The following WDR20 variants were observed in gnomAD, a reference collection of about 807,000 sequenced individuals.
WDR20 encodes the protein WD repeat domain 20, also known as WD repeat-containing protein 20.
WDR20 carries 3 observed loss-of-function variants against 38.7 expected under a neutral mutation model. That is an observed-to-expected ratio of 0.08 (90% confidence interval 0.04 to 0.20). The LOEUF is 0.20. Among genes scored for constraint, WDR20 ranks in the 10% least tolerant of loss-of-function variants. WDR20 has a pLI of 1.00. For missense variants in WDR20, 559 were observed against 727.7 expected (o/e 0.77, Z 2.67); for synonymous variants, 298 against 285.6 (o/e 1.04, Z -0.44).
downstream of WDR20, among the ~76,000 whole-genome samples, chr14:102,218,601 A>G (rs1418037342): frequency 6.6e-6 from 1 of 152,224 alleles, no homozygotes; most frequent in Non-Finnish European, 1.5e-5. Flanking sequence ...CTCTTAACTT[A>G]GTATTATAAA....
intron 1 of WDR20, among the ~76,000 whole-genome samples, chr14:102,188,285 C>T (rs1205175701): frequency 6.6e-6 from 1 of 152,170 alleles, no homozygotes; most frequent in African/African-American, 2.4e-5. Context: ...TTCCCAAAGC[C>T]CCCTACTGAG....
chr14:102,185,268 G>A (rs12433600), intron 1 of WDR20, among the ~76,000 whole-genome samples: 5 of 152,132 alleles, frequency 3.3e-5, no homozygotes, highest in Admixed American at 3.3e-4. Context: ...AAGTGCCAGG[G>A]ATTCTGCTGG....
In WDR20 at chr14:102,144,578, AT is replaced by A. The variant is rs574133621; in HGVS notation, c.249+4407del. 3.3e-5 allele frequency among the ~76,000 whole-genome samples: 5 copies of A among 152,210 alleles called. No homozygotes were observed. The South Asian group carries it at 1.0e-3, about 32-fold the overall frequency. On this transcript the variant is annotated intron_variant, in intron 1 of 2. Coordinates refer to ENST00000342702, the MANE Select transcript of WDR20 (RefSeq NM_144574.4). ...GGACCAATCCTCTCATTTTATGGAC[AT>A]CTGTTTTTACATAAATATGAATGGC...
chr14:102,213,597 C>T (rs1293069630), downstream of WDR20: 12 of 985,280 alleles, frequency 1.2e-5, no homozygotes, highest in Admixed American at 1.8e-4. Context: ...GGACACCGTC[C>T]GGGCGGGGCC....
intron 1 of WDR20, among the ~76,000 whole-genome samples, chr14:102,154,597 C>T (rs1442389116): frequency 6.6e-6 from 1 of 152,220 alleles, no homozygotes; most frequent in Non-Finnish European, 1.5e-5. Context: ...TTGTCTGTCT[C>T]TTTCACCTTC....
chr14:102,160,010 G>A (rs1360878982), intron 1 of WDR20, among the ~76,000 whole-genome samples: 2 of 152,052 alleles, frequency 1.3e-5, no homozygotes, highest in South Asian at 2.1e-4. Flanking sequence ...AGGCTGAGGC[G>A]ATAGGATGGC....
chr14:102,185,836 A>G (rs1324534677), intron 1 of WDR20, among the ~76,000 whole-genome samples: 4 of 150,518 alleles, frequency 2.7e-5, no homozygotes, highest in South Asian at 2.1e-4. Context: ...AAAAAGCATT[A>G]TATATTTGCT....
At chr14:102,219,641 G>A (rs1042626143), downstream of WDR20, among the ~76,000 whole-genome samples, 3 of 152,270 alleles carry the variant, frequency 2.0e-5, no homozygotes, top group African/African-American at 7.2e-5. Flanking sequence ...CCCTGGTCAA[G>A]CACCCTGGGG....
downstream of WDR20, among the ~76,000 whole-genome samples, chr14:102,217,840 C>T (rs529960421): frequency 2.8e-4 from 42 of 152,360 alleles, no homozygotes; most frequent in Admixed American, 1.5e-3. Flanking sequence ...TAGTTCTCAT[C>T]GTTTCCGCAC....
chr14:102,220,713 C>T lies in WDR20; in HGVS notation c.1693-2117C>T, dbSNP rs1260630381. 1.0e-5 allele frequency among the ~76,000 whole-genome samples: 1 copy of T among 95,630 alleles called. No individual in the cohort carries two copies. The highest frequency in any genetic ancestry group is 4.2e-5 in the African/African-American group (1 of 23,938). 62.7% of individuals were successfully genotyped at this position (95,630 alleles called of 152,430 possible). On this transcript the variant is annotated intron_variant, in intron 3 of 3. Coordinates refer to the WDR20 transcript ENST00000335263. This position sits in a 1 kb window ranked among gnomAD's most constrained non-coding sequence, Gnocchi z 4.2. ...CCAGCCTGGACAACAAAGTGAGACT[C>T]CGTCTCAAAAAAAAAAAAAAAAAAG...
chr14:102,186,854 G>A (rs747521351), intron 1 of WDR20, among the ~76,000 whole-genome samples: 8 of 152,008 alleles, frequency 5.3e-5, no homozygotes, highest in Non-Finnish European at 8.8e-5. Context: ...GGAGGCTGAG[G>A]CAGGAGAATG....
intron 1 of WDR20, among the ~76,000 whole-genome samples, chr14:102,178,391 C>A (rs1415950233): frequency 1.4e-5 from 2 of 143,272 alleles, no homozygotes; most frequent in South Asian, 2.2e-4. Flanking sequence ...GACTCTGTCT[C>A]AAAAAAAAAA....
Position 102,209,929 on chromosome 14 carries a change from C to T in WDR20, c.*49C>T, listed in dbSNP as rs3742432. ...AATAGGTAGTGACTTTTTTCTTTTT[C>T]GTGGGAGGGGTGGGGTGTACAATGA... is the stretch of plus-strand genomic sequence containing the variant. On this transcript the variant is annotated 3_prime_UTR_variant, in exon 3 of 3. Transcript: ENST00000342702. The surrounding 1 kb of genome is among the most constrained non-coding windows in gnomAD (Gnocchi z 6.0). The T allele has an allele frequency of 3.2e-3, 4,900 of 1,528,198 alleles. 95 individuals carry two copies. In the Admixed American group the frequency reaches 0.041, roughly 13 times the overall value. 94.7% of individuals were successfully genotyped at this position (1,528,198 alleles called of 1,614,324 possible). A position where few individuals can be genotyped will look rare whatever the true frequency, so the allele number is the denominator to read the frequency against.
intron 1 of WDR20, chr14:102,193,348 C>A: frequency 9.2e-7 from 1 of 1,082,212 alleles, no homozygotes; most frequent in Non-Finnish European, 1.4e-6. Context: ...CCGCTCCCCT[C>A]CACTGGCCGC....
At chr14:102,218,450 C>T (rs2063491138), downstream of WDR20, among the ~76,000 whole-genome samples, 1 of 152,220 alleles carries the variant, frequency 6.6e-6, no homozygotes, top group Non-Finnish European at 1.5e-5. Flanking sequence ...TGGCCTGTGG[C>T]CCTCACAGTC....
chr14:102,193,415 A>G, intron 1 of WDR20: 2 of 1,587,974 alleles, frequency 1.3e-6, no homozygotes, highest in South Asian at 1.1e-5. Context: ...TTTGTATTAC[A>G]CTTTTCAAGG....
intron 1 of WDR20, among the ~76,000 whole-genome samples, chr14:102,172,536 G>T (rs7492452): frequency 6.8e-6 from 1 of 147,404 alleles, no homozygotes; most frequent in African/African-American, 2.5e-5. Context: ...CGGGCGGGGG[G>T]CTGACCCCCC....
At chr14:102,183,476 A>T (rs1487472208) in intron 1 of WDR20, among the ~76,000 whole-genome samples, 1 of 152,242 alleles carries the variant, frequency 6.6e-6, no homozygotes, top group Non-Finnish European at 1.5e-5. Flanking sequence ...GTCATATGAT[A>T]TACAATTACT....
chr14:102,210,777 G>A (rs1327712374), downstream of WDR20, among the ~76,000 whole-genome samples: 1 of 152,132 alleles, frequency 6.6e-6, no homozygotes, highest in African/African-American at 2.4e-5. Flanking sequence ...GGGTCAGAAA[G>A]GCACGTGACT....
Sources: allele counts gnomAD v4.1 joint callset (sites outside exome capture counted in the v4.1 genomes callset), GRCh38; gene constraint gnomAD v4.1.1; non-coding constraint Gnocchi (gnomAD v3.1); transcripts MANE v1.5; gene names NCBI Gene and HGNC (gene_info 2026-07-23, HGNC 2026-07-21).